The following GTF3C1 variants were observed in gnomAD, a reference collection of about 807,000 sequenced individuals.
GTF3C1 encodes the protein general transcription factor IIIC subunit 1, also known as general transcription factor 3C polypeptide 1.
Under a neutral mutation model 226.7 loss-of-function variants are expected in GTF3C1, and 57 were observed. That is an observed-to-expected ratio of 0.25 (90% CI 0.20 to 0.31). The LOEUF is 0.31. GTF3C1 is among the 10% of genes least tolerant of loss of function. The pLI is 1.00. For synonymous variants in GTF3C1, 1,090 were observed against 1,084.8 expected (o/e 1.00, Z -0.09); for missense variants, 2,217 against 2,776.1 (o/e 0.80, Z 4.53).
chr16:27,467,849 G>A (rs893232976), intron 32 of GTF3C1, among the ~76,000 whole-genome samples: 17 of 152,098 alleles, frequency 1.1e-4, no homozygotes, highest in African/African-American at 2.4e-4. Context: ...CAGTCCGGGC[G>A]ACAAGAGTGA....
In GTF3C1 at chr16:27,511,776, C is replaced by A; in HGVS notation, c.1099G>T (p.Asp367Tyr). 3 of 1,614,148 alleles carry A rather than the reference C, an allele frequency of 1.9e-6. No homozygotes were observed. The highest frequency in any genetic ancestry group is 2.5e-6 in the Non-Finnish European group (3 of 1,180,036). ...AGGTCGTAGGTCTGTGTGAGCATAT[C>A]CCGCTCGAACACAATGTCCACTGGA... is the stretch of plus-strand genomic sequence containing the variant. ...VPPVDIVFER[D>Y]MLTQTYDLIE... The change falls in exon 7 of 37, where the codon GAT becomes TAT. Residue 367 changes from aspartate to tyrosine, a missense_variant. Coordinates refer to ENST00000356183, the MANE Select transcript of GTF3C1 (RefSeq NM_001520.4).
chr16:27,498,768 G>T, intron 12 of GTF3C1, 35 bp from the exon 13 acceptor site: 1 of 1,026,042 alleles, frequency 9.7e-7, no homozygotes, highest in Non-Finnish European at 1.5e-6. Context: ...CACAGGGTGA[G>T]GGAAGAGCTG....
intron 5 of GTF3C1, among the ~76,000 whole-genome samples, chr16:27,532,763 G>C (rs2088938693): frequency 6.6e-6 from 1 of 152,160 alleles, no homozygotes; most frequent in South Asian, 2.1e-4. Context: ...TTTGATAATA[G>C]GTCCTAGAAC....
In GTF3C1 at chr16:27,469,984, C is replaced by T; in HGVS notation, c.4814+124G>A. ...ACCTTAGACACCGGCCTATAATCCC[C>T]AGTCACTCATCTGCAACTCCCATCC... On this transcript the variant is annotated intron_variant, in intron 31 of 36. Transcript: ENST00000356183. This position sits in a 1 kb window ranked among gnomAD's most constrained non-coding sequence, Gnocchi z 4.5. 1.3e-6 allele frequency: 1 copy of T among 773,492 alleles called. No individual in the cohort carries two copies. The highest frequency in any genetic ancestry group is 1.7e-5 in the South Asian group (1 of 59,792). The allele number at this position is 773,492 out of a possible 1,614,324, so 47.9% of individuals were successfully genotyped here. A position where few individuals can be genotyped will look rare whatever the true frequency, so the allele number is the denominator to read the frequency against.
At position 27,538,226 on chromosome 16, in the gene GTF3C1, T is replaced by A. The variant is rs2089030420; in HGVS notation, c.562A>T (p.Arg188Trp). The A allele has an allele frequency of 6.2e-7, 1 of 1,600,604 alleles. No individual in the cohort carries two copies. Residue 188 changes from arginine to tryptophan, a missense_variant, in exon 3 of 37, where the codon AGG (arginine) becomes TGG (tryptophan). This residue lies in a region of GTF3C1 where 192 missense variants were observed against 251.8 expected (regional missense o/e 0.76). Coordinates refer to ENST00000356183, the MANE Select transcript of GTF3C1 (RefSeq NM_001520.4). The stretch of plus-strand genomic sequence containing the variant: ...TCTCGCTGGAGCTCCCCTTGCCACC[T>A]GGACCGGCCTAGCCGTTCCAGGATG... ...YCILERLGRS[R>W]WQGELQRDLH...
chr16:27,510,880 T>C (rs1013992367), intron 7 of GTF3C1, among the ~76,000 whole-genome samples: 2 of 152,214 alleles, frequency 1.3e-5, no homozygotes, highest in East Asian at 3.8e-4. Flanking sequence ...AGACCAATCT[T>C]AGAAAACAAC....
At chr16:27,493,987 G>A (rs2088272260) in intron 16 of GTF3C1, among the ~76,000 whole-genome samples, 1 of 151,526 alleles carries the variant, frequency 6.6e-6, no homozygotes, top group African/African-American at 2.4e-5. Context: ...GTATGGCATA[G>A]CAATAAAAGA....
chr16:27,515,040 A>G (rs1187638752), intron 6 of GTF3C1, among the ~76,000 whole-genome samples: 1 of 152,196 alleles, frequency 6.6e-6, no homozygotes, highest in Non-Finnish European at 1.5e-5. Context: ...TTGGCTAGGA[A>G]AAGATACACA....
At chr16:27,484,665 T>A (rs1329285819) in intron 24 of GTF3C1, among the ~76,000 whole-genome samples, 2 of 152,190 alleles carry the variant, frequency 1.3e-5, no homozygotes, top group African/African-American at 4.8e-5. Context: ...TTAGAGGGAA[T>A]CATGGGGATG....
At chr16:27,499,981 G>A (rs2088381508) in intron 12 of GTF3C1, among the ~76,000 whole-genome samples, 1 of 152,190 alleles carries the variant, frequency 6.6e-6, no homozygotes, top group African/African-American at 2.4e-5. Context: ...GGACCTTGTG[G>A]CAAGAGGCCT....
intron 26 of GTF3C1, among the ~76,000 whole-genome samples, chr16:27,481,873 G>C (rs992712330): frequency 2.0e-5 from 3 of 152,146 alleles, no homozygotes; most frequent in African/African-American, 7.2e-5. Context: ...CCTTTACTAA[G>C]CCCACTGGCA....
At chr16:27,504,042 G>A (rs184459818) in intron 10 of GTF3C1, among the ~76,000 whole-genome samples, 1 of 152,332 alleles carries the variant, frequency 6.6e-6, no homozygotes, top group Admixed American at 6.5e-5. Context: ...GTTCACCTTC[G>A]TGCTTCAGGG....
chr16:27,461,371 C>A lies in GTF3C1; in HGVS notation c.6309G>T (p.Trp2103Cys), dbSNP rs1295296773. The A allele has an allele frequency of 6.2e-7, 1 of 1,611,838 alleles. No individual in the cohort carries two copies. Among genetic ancestry groups the A allele is most frequent in the Non-Finnish European group, 8.5e-7 (1 of 1,178,356 alleles). Residue 2103 changes from tryptophan (W) to cysteine (C), a missense_variant, in exon 37 of 37, where the codon TGG becomes TGT. By Grantham distance (215) the Trp-to-Cys change is radical. This residue lies in a region of GTF3C1 where 153 missense variants were observed against 199.8 expected (regional missense o/e 0.77). Transcript: ENST00000356183. This position sits in a 1 kb window ranked among gnomAD's most constrained non-coding sequence, Gnocchi z 5.3. ...GGTCCTAGAGGTGGATCCACTTGTT[C>A]CAGTTGACCTCGTGGGGGAACACAC... Reference protein sequence around the residue: ...LGRVFPHEVNWNKWIHL With the variant: ...LGRVFPHEVNCNKWIHL
In GTF3C1 at chr16:27,462,564, G is replaced by C; in HGVS notation, c.5925-78C>G. The C allele has an allele frequency of 9.0e-7, 1 of 1,106,300 alleles. No individual in the cohort carries two copies. The highest frequency in any genetic ancestry group is 2.5e-5 in the East Asian group (1 of 40,530). 68.5% of individuals were successfully genotyped at this position (1,106,300 alleles called of 1,614,324 possible). A position where few individuals can be genotyped will look rare whatever the true frequency, so the allele number is the denominator to read the frequency against. On this transcript the variant is annotated intron_variant, in intron 35 of 36. Transcript: ENST00000356183. This position sits in a 1 kb window ranked among gnomAD's most constrained non-coding sequence, Gnocchi z 4.5. ...GTCCAGACAGAACACTGAGGCTCAGGGGCGTCCTAGGCCTGGCCCAGGTCA... is the reference window on the plus strand; with the variant it reads ...GTCCAGACAGAACACTGAGGCTCAGCGGCGTCCTAGGCCTGGCCCAGGTCA...
At chr16:27,509,368 C>T (rs960742548) in intron 7 of GTF3C1, among the ~76,000 whole-genome samples, 3 of 152,238 alleles carry the variant, frequency 2.0e-5, no homozygotes, top group South Asian at 2.1e-4. Context: ...AGGAAGGAGT[C>T]GGCTTAGGAA....
chr16:27,495,000 T>C lies in GTF3C1; in HGVS notation c.2633-92A>G, dbSNP rs995938610. 10 of 1,121,742 alleles carry C rather than the reference T, an allele frequency of 8.9e-6. No individual in the cohort carries two copies. The Admixed American group carries it at 1.9e-4, about 22-fold the overall frequency. The allele number at this position is 1,121,742 out of a possible 1,614,324, so 69.5% of individuals were successfully genotyped here. On this transcript the variant is annotated intron_variant, in intron 15 of 36. Coordinates refer to ENST00000356183, the MANE Select transcript of GTF3C1 (RefSeq NM_001520.4). ...CGTCATCTCCCAGGAGGTCTTGGTG[T>C]CTTTACCCCTAATTTGAGGAAAACT...
Position 27,502,735 on chromosome 16 carries a change from G to A in GTF3C1, c.1907+124C>T, listed in dbSNP as rs2088424931. On this transcript the variant is annotated intron_variant, in intron 11 of 36. Transcript: ENST00000356183. ...TCCCTACCGCAAAGGAACGAGATGA[G>A]AATCTACACAGTGGGACAGAGATTT... 3.0e-6 allele frequency: 3 copies of A among 993,778 alleles called. No homozygotes were observed. The Admixed American group carries it at 6.5e-5, about 22-fold the overall frequency. The allele number at this position is 993,778 out of a possible 1,614,324, so 61.6% of individuals were successfully genotyped here. A position where few individuals can be genotyped will look rare whatever the true frequency, so the allele number is the denominator to read the frequency against.
chr16:27,512,554 T>TG (rs2088591236), intron 6 of GTF3C1, among the ~76,000 whole-genome samples: 1 of 151,990 alleles, frequency 6.6e-6, no homozygotes, highest in Non-Finnish European at 1.5e-5. Flanking sequence ...AAACCAGCAA[T>TG]GGGGGTGGAG....
intron 20 of GTF3C1, 63 bp from the exon 21 acceptor site, chr16:27,489,241 T>G (rs1309576336): frequency 1.9e-6 from 3 of 1,572,214 alleles, no homozygotes; most frequent in Admixed American, 1.7e-5. Flanking sequence ...AGAGAGCCCA[T>G]GGCATGGGTT....
Sources: allele counts gnomAD v4.1 joint callset (sites outside exome capture counted in the v4.1 genomes callset), GRCh38; gene constraint gnomAD v4.1.1; regional missense constraint gnomAD v4.1.1; non-coding constraint Gnocchi (gnomAD v3.1); transcripts MANE v1.5; gene names NCBI Gene and HGNC (gene_info 2026-07-23, HGNC 2026-07-21).